Variants in ZPBP observed in about 807,000 individuals in gnomAD.
ZPBP encodes the protein zona pellucida binding protein, also known as zona pellucida-binding protein 1.
ZPBP carries 26 observed loss-of-function variants against 44.8 expected under a neutral mutation model. The observed-to-expected ratio is 0.58, with a 90% CI of 0.43 to 0.81. The LOEUF (loss-of-function observed/expected upper bound fraction) is 0.81. Among genes scored for constraint, ZPBP ranks in the 30% least tolerant of loss-of-function variants. The pLI is 0.00. For missense variants in ZPBP, 409 were observed against 434.0 expected (o/e 0.94, Z 0.51); for synonymous variants, 174 against 153.2 (o/e 1.14, Z -1.00).
intron 2 of ZPBP, among the ~76,000 whole-genome samples, chr7:49,897,851 G>A (rs1372025612): frequency 9.2e-5 from 14 of 152,216 alleles, no homozygotes; most frequent in Non-Finnish European, 1.9e-4. Context: ...CACACTTTGA[G>A]TTTTACTGCC....
At chr7:49,966,594 T>C (rs922034664) in intron 7 of ZPBP, among the ~76,000 whole-genome samples, 3 of 152,144 alleles carry the variant, frequency 2.0e-5, no homozygotes, top group African/African-American at 7.2e-5. Flanking sequence ...AACAACCAAA[T>C]GCTCAAAGAA....
chr7:49,921,022 T>C (rs1793994171), intron 1 of ZPBP: 1 of 152,248 alleles, frequency 6.6e-6, no homozygotes, highest in Admixed American at 6.5e-5. Flanking sequence ...GTTCATGTCC[T>C]GTACAAATTT....
chr7:50,069,823 G>A (rs1168850825), intron 3 of ZPBP, among the ~76,000 whole-genome samples: 1 of 151,936 alleles, frequency 6.6e-6, no homozygotes, highest in Non-Finnish European at 1.5e-5. Context: ...GCCTTCCCCT[G>A]TCATAGCCTG....
At chr7:49,926,115 T>C (rs550012860) in intron 1 of ZPBP, among the ~76,000 whole-genome samples, 6 of 152,304 alleles carry the variant, frequency 3.9e-5, no homozygotes, top group Admixed American at 2.6e-4. Context: ...GTTGTTGCAT[T>C]ACTATCTCTA....
At chr7:49,857,819 T>G (rs1790485483) in intron 2 of ZPBP, among the ~76,000 whole-genome samples, 1 of 152,186 alleles carries the variant, frequency 6.6e-6, no homozygotes, top group African/African-American at 2.4e-5. Context: ...AAAAAGTGAA[T>G]CAGAGCTTCA....
chr7:49,998,101 A>G (rs1797933860), intron 6 of ZPBP, among the ~76,000 whole-genome samples: 1 of 152,072 alleles, frequency 6.6e-6, no homozygotes, highest in Admixed American at 6.6e-5. Context: ...TATTTTTAGT[A>G]GAGACAAGGT....
intron 3 of ZPBP, among the ~76,000 whole-genome samples, chr7:50,064,477 T>C (rs972401826): frequency 1.3e-5 from 2 of 152,180 alleles, no homozygotes; most frequent in Non-Finnish European, 2.9e-5. Context: ...CTGGGAGCAC[T>C]ATGGGAGACT....
At chr7:50,035,283 A>T (rs1305998419) in intron 4 of ZPBP, among the ~76,000 whole-genome samples, 1 of 152,222 alleles carries the variant, frequency 6.6e-6, no homozygotes, top group African/African-American at 2.4e-5. Context: ...AACTTCTGCC[A>T]CTTTCTCCCT....
At chr7:49,981,695 A>ATAAAATATATATTATAT (rs1554361173) in intron 7 of ZPBP, among the ~76,000 whole-genome samples, 1 of 42,368 alleles carries the variant, frequency 2.4e-5, no homozygotes, top group Non-Finnish European at 3.4e-5. Context: ...TAATATATAT[A>ATAAAATATATATTATAT]ATTATATATA....
chr7:50,039,033 C>CA (rs1799952053), intron 4 of ZPBP, among the ~76,000 whole-genome samples: 1 of 151,890 alleles, frequency 6.6e-6, no homozygotes, highest in Non-Finnish European at 1.5e-5. Flanking sequence ...AAGTTTCTGA[C>CA]AAAAATTTGT....
intron 4 of ZPBP, among the ~76,000 whole-genome samples, chr7:50,036,516 A>G (rs567815732): frequency 6.6e-6 from 1 of 152,328 alleles, no homozygotes; most frequent in South Asian, 2.1e-4. Context: ...AAAGAAGTCA[A>G]CAAAACACAA....
At chr7:50,085,345 C>A (rs1439497300) in intron 2 of ZPBP, among the ~76,000 whole-genome samples, 1 of 152,072 alleles carries the variant, frequency 6.6e-6, no homozygotes, top group Non-Finnish European at 1.5e-5. Flanking sequence ...TTTAAGCCAC[C>A]CTGTCTGTGG....
chr7:49,894,327 TG>T (rs1035322601), intron 2 of ZPBP, among the ~76,000 whole-genome samples: 1 of 152,190 alleles, frequency 6.6e-6, no homozygotes, highest in Non-Finnish European at 1.5e-5. Flanking sequence ...GGCTAATTTT[TG>T]TATTTTTTGT....
intron 3 of ZPBP, among the ~76,000 whole-genome samples, chr7:50,060,355 A>G (rs1308198793): frequency 1.3e-5 from 2 of 152,170 alleles, no homozygotes; most frequent in African/African-American, 4.8e-5. Flanking sequence ...AACATACAAA[A>G]GATCAACAAA....
At chr7:49,973,318 C>T (rs938333930) in intron 7 of ZPBP, among the ~76,000 whole-genome samples, 2 of 150,696 alleles carry the variant, frequency 1.3e-5, no homozygotes, top group African/African-American at 4.9e-5. Context: ...GTAACAAAAC[C>T]ATAGGCAACA....
At chr7:50,022,978 T>C (rs1253494518) in intron 5 of ZPBP, among the ~76,000 whole-genome samples, 2 of 152,066 alleles carry the variant, frequency 1.3e-5, no homozygotes, top group Non-Finnish European at 2.9e-5. Flanking sequence ...CCACAAGTTC[T>C]CAGGGTTAAG....
chr7:49,992,182 G>C (rs1046175304), intron 6 of ZPBP, among the ~76,000 whole-genome samples: 1 of 152,064 alleles, frequency 6.6e-6, no homozygotes, highest in African/African-American at 2.4e-5. Flanking sequence ...TCTACTTACT[G>C]ATAAAGGTCT....
At chr7:49,997,742 A>C (rs1310129409) in intron 6 of ZPBP, among the ~76,000 whole-genome samples, 2 of 152,168 alleles carry the variant, frequency 1.3e-5, no homozygotes, top group African/African-American at 2.4e-5. Context: ...CACTGTCATT[A>C]GGGCTGAACA....
At chr7:49,959,128 C>G (rs1795736463) in intron 7 of ZPBP, among the ~76,000 whole-genome samples, 2 of 151,542 alleles carry the variant, frequency 1.3e-5, no homozygotes, top group African/African-American at 4.8e-5. Flanking sequence ...CTAAGATAAC[C>G]CTACAGCTAA....
Sources: allele counts gnomAD v4.1 joint callset (sites outside exome capture counted in the v4.1 genomes callset), GRCh38; gene constraint gnomAD v4.1.1; transcripts MANE v1.5; gene names NCBI Gene and HGNC (gene_info 2026-07-23, HGNC 2026-07-21).